FBXL20: variants seen among roughly 807,000 people sequenced by gnomAD.
FBXL20 encodes F-box/LRR-repeat protein 20.
A neutral mutation model predicts 64.0 loss-of-function variants in FBXL20; 11 were observed. The ratio of observed to expected loss-of-function variants is 0.17; its 90% confidence interval spans 0.11 to 0.28. The LOEUF is 0.28. Among genes scored for constraint, FBXL20 ranks in the 10% least tolerant of loss-of-function variants. The pLI, the probability that FBXL20 is intolerant of heterozygous loss-of-function variation, is 1.00. For missense variants in FBXL20, 303 were observed against 526.2 expected (o/e 0.58, Z 4.15); for synonymous variants, 184 against 189.0 (o/e 0.97, Z 0.22).
intron 1 of FBXL20, among the ~76,000 whole-genome samples, chr17:39,370,655 C>T (rs1486747174): frequency 3.3e-5 from 5 of 150,310 alleles, no homozygotes; most frequent in South Asian, 4.2e-4. Context: ...ATTAGCCGGG[C>T]GTGGTAGCGG....
chr17:39,388,133 T>G (rs2144669575), intron 1 of FBXL20, among the ~76,000 whole-genome samples: 1 of 152,276 alleles, frequency 6.6e-6, no homozygotes, highest in African/African-American at 2.4e-5. Flanking sequence ...GAAAATGGTA[T>G]TATTTTTTCT....
At chr17:39,351,110 G>A (rs1325794173) in intron 1 of FBXL20, among the ~76,000 whole-genome samples, 2 of 151,960 alleles carry the variant, frequency 1.3e-5, no homozygotes, top group Non-Finnish European at 2.9e-5. Context: ...TGAGGTGGGC[G>A]GATCACATGA....
intron 6 of FBXL20, among the ~76,000 whole-genome samples, chr17:39,293,378 C>T (rs750143207): frequency 2.0e-5 from 3 of 150,888 alleles, no homozygotes; most frequent in South Asian, 2.1e-4. Context: ...CATGCTACCA[C>T]GGCCTGGCTA....
At chr17:39,344,472 T>C (rs2144575349) in intron 1 of FBXL20, among the ~76,000 whole-genome samples, 1 of 152,200 alleles carries the variant, frequency 6.6e-6, no homozygotes, top group South Asian at 2.1e-4. Context: ...AAGGAGATGT[T>C]CGGAAATCTG....
In FBXL20 at chr17:39,282,871, A is replaced by C. The variant is rs73308830; in HGVS notation, c.495-16T>G. On this transcript the variant is annotated splice_polypyrimidine_tract_variant and intron_variant, in intron 7 of 14. Coordinates refer to ENST00000264658, the MANE Select transcript of FBXL20 (RefSeq NM_032875.3). ...ACATCCCTCACTTAGGATAAAACAA[A>C]ATAAGAGAAACATATCACTAAATCC... 2 of 1,613,870 alleles carry C rather than the reference A, an allele frequency of 1.2e-6. No homozygotes were observed. The highest frequency in any genetic ancestry group is 1.7e-4 in the Middle Eastern group (1 of 6,058).
intron 6 of FBXL20, among the ~76,000 whole-genome samples, chr17:39,295,784 G>GAGATAT (rs758714135): frequency 7.3e-6 from 1 of 137,098 alleles, no homozygotes; most frequent in Admixed American, 7.4e-5. Context: ...CAAATATGGA[G>GAGATAT]ATATATATAT....
chr17:39,277,408 T>C (rs372311046), intron 9 of FBXL20, among the ~76,000 whole-genome samples: 11 of 152,114 alleles, frequency 7.2e-5, no homozygotes, highest in Non-Finnish European at 1.5e-4. Flanking sequence ...TTCCTTTGTA[T>C]GTTATAAGAG....
rs376958334 is a variant in FBXL20, at chr17:39,362,123, T to C, written c.43-18882A>G. ...TAACACGGTGAAACCTCGTCTCTAC[T>C]AAAAATACACACACAAAAAATTAGC... On this transcript the variant is annotated intron_variant, in intron 1 of 14. Transcript: ENST00000264658. Among the ~76,000 whole-genome samples the C allele has an allele frequency of 6.7e-4, 102 of 151,162 alleles. 3 individuals carry two copies. In the East Asian group the frequency reaches 0.012, roughly 18 times the overall value.
At chr17:39,380,350 A>G (rs2048010261) in intron 1 of FBXL20, among the ~76,000 whole-genome samples, 1 of 152,164 alleles carries the variant, frequency 6.6e-6, no homozygotes, top group Non-Finnish European at 1.5e-5. Flanking sequence ...ATTCCCACCA[A>G]TAACTCTGAC....
chr17:39,332,915 C>A (rs1236973433), intron 2 of FBXL20, among the ~76,000 whole-genome samples: 1 of 152,128 alleles, frequency 6.6e-6, no homozygotes, highest in Admixed American at 6.6e-5. Context: ...CTGCACATCA[C>A]CATACCTGTG....
At chr17:39,263,836 AT>A (rs1162717197) in intron 14 of FBXL20, 1 of 193,524 alleles carries the variant, frequency 5.2e-6, no homozygotes, top group African/African-American at 2.3e-5. Context: ...TTTCTCTGTT[AT>A]TCCTTTCTTT....
At chr17:39,299,548 G>A (rs111567471) in intron 4 of FBXL20, among the ~76,000 whole-genome samples, 1,968 of 151,890 alleles carry the variant, frequency 0.013, 46 homozygotes, top group African/African-American at 0.045. Flanking sequence ...TTGGGAGGCC[G>A]AGGCGGGTGG....
intron 1 of FBXL20, among the ~76,000 whole-genome samples, chr17:39,385,179 G>A (rs1463458893): frequency 6.6e-6 from 1 of 152,000 alleles, no homozygotes; most frequent in Non-Finnish European, 1.5e-5. Flanking sequence ...CTATGATGGC[G>A]CCACCGCACT....
chr17:39,349,261 A>C (rs1361398416), intron 1 of FBXL20, among the ~76,000 whole-genome samples: 5 of 149,528 alleles, frequency 3.3e-5, no homozygotes, highest in Admixed American at 1.3e-4. Flanking sequence ...CAAAATAAAT[A>C]AGCAAATAAA....
intron 3 of FBXL20, among the ~76,000 whole-genome samples, chr17:39,302,563 T>C (rs2047146745): frequency 1.3e-5 from 2 of 152,074 alleles, no homozygotes; most frequent in South Asian, 2.1e-4. Flanking sequence ...TTAGTAGAGA[T>C]GGGGTTTCAC....
In FBXL20 at chr17:39,252,951, G is replaced by A. The variant is rs1326121318; in HGVS notation, c.*8509C>T. On this transcript the variant is annotated 3_prime_UTR_variant, in exon 15 of 15. Coordinates refer to ENST00000264658, the MANE Select transcript of FBXL20 (RefSeq NM_032875.3). Reference sequence around the variant, plus strand: ...GCTAAGTCACCCCGTAGGCAACTGTGTCGGCTCCAGAGATTGGCTAAGCAT... The same window carrying A: ...GCTAAGTCACCCCGTAGGCAACTGTATCGGCTCCAGAGATTGGCTAAGCAT... The A allele has an allele frequency of 1.3e-5, 2 of 152,164 alleles. No homozygotes were observed. The highest frequency in any genetic ancestry group is 4.8e-5 in the African/African-American group (2 of 41,416). 9.4% of individuals were successfully genotyped at this position (152,164 alleles called of 1,614,324 possible).
At chr17:39,383,802 C>A (rs771825076) in intron 1 of FBXL20, among the ~76,000 whole-genome samples, 2 of 151,832 alleles carry the variant, frequency 1.3e-5, no homozygotes, top group Non-Finnish European at 2.9e-5. Context: ...GTTGCCCAGG[C>A]TGGTCTCGAA....
At chr17:39,398,237 AC>A (rs776769903) in intron 1 of FBXL20, among the ~76,000 whole-genome samples, 2 of 152,050 alleles carry the variant, frequency 1.3e-5, no homozygotes, top group African/African-American at 2.4e-5. Flanking sequence ...CCGAGATCGC[AC>A]CATTGCACTC....
chr17:39,343,699 T>A (rs1171546722), intron 1 of FBXL20, among the ~76,000 whole-genome samples: 1 of 150,606 alleles, frequency 6.6e-6, no homozygotes, highest in African/African-American at 2.4e-5. Context: ...AAAACTCTTT[T>A]TTTTTTTTTT....
Sources: allele counts gnomAD v4.1 joint callset (sites outside exome capture counted in the v4.1 genomes callset), GRCh38; gene constraint gnomAD v4.1.1; transcripts MANE v1.5; gene names NCBI Gene and HGNC (gene_info 2026-07-23, HGNC 2026-07-21).